Variants in IL1RAPL2 observed in about 807,000 individuals in gnomAD.
The protein encoded by IL1RAPL2 is X-linked interleukin-1 receptor accessory protein-like 2.
IL1RAPL2 carries 3 observed loss-of-function variants against 44.1 expected under a neutral mutation model. That is an observed-to-expected ratio of 0.07 (90% CI 0.03 to 0.18). IL1RAPL2 has a LOEUF of 0.18. IL1RAPL2 is among the 10% of genes least tolerant of loss of function. IL1RAPL2 has a pLI of 1.00. For synonymous variants in IL1RAPL2, 181 were observed against 178.8 expected, an observed-to-expected ratio of 1.01 and a Z score of -0.10; for missense variants, 391 against 496.4, an observed-to-expected ratio of 0.79 and a Z score of 2.02.
chrX:105,300,224 A>G (rs918297102), intron 5 of IL1RAPL2, among the ~76,000 whole-genome samples: 2 of 111,818 alleles, frequency 1.8e-5, no homozygotes, highest in African/African-American at 6.5e-5. Flanking sequence ...TAGATAATGT[A>G]TAAAAAAAGT....
At chrX:104,646,972 TC>T (rs1930053109) in intron 1 of IL1RAPL2, among the ~76,000 whole-genome samples, 1 of 112,008 alleles carries the variant, frequency 8.9e-6, no homozygotes, top group Non-Finnish European at 1.9e-5. Context: ...AAATTACCCT[TC>T]AACCTTAGAC....
At chrX:104,951,239 C>T (rs1318802642) in intron 2 of IL1RAPL2, among the ~76,000 whole-genome samples, 1 of 112,335 alleles carries the variant, frequency 8.9e-6, no homozygotes, top group African/African-American at 3.2e-5. Context: ...TTACAATAAA[C>T]AGTTATATAA....
intron 6 of IL1RAPL2, among the ~76,000 whole-genome samples, chrX:105,570,166 G>T (rs1054087725): frequency 9.0e-6 from 1 of 110,899 alleles, no homozygotes; most frequent in African/African-American, 3.3e-5. Context: ...ACATTCTTAT[G>T]CCTTTGCATC....
At chrX:104,779,571 A>G (rs1185989899) in intron 2 of IL1RAPL2, among the ~76,000 whole-genome samples, 1 of 112,191 alleles carries the variant, frequency 8.9e-6, no homozygotes, top group Non-Finnish European at 1.9e-5. Flanking sequence ...AGAATAATGA[A>G]GCCTGACATA....
At chrX:105,390,996 C>G (rs1358767126) in intron 5 of IL1RAPL2, among the ~76,000 whole-genome samples, 2 of 111,840 alleles carry the variant, frequency 1.8e-5, no homozygotes, top group Middle Eastern at 4.6e-3. Flanking sequence ...GCATGCAAAA[C>G]ACTTTTACAG....
chrX:105,343,810 G>A (rs1299705544), intron 5 of IL1RAPL2, among the ~76,000 whole-genome samples: 1 of 111,384 alleles, frequency 9.0e-6, no homozygotes, highest in Non-Finnish European at 1.9e-5. Context: ...TCTGCTGCTG[G>A]GTCTACAAAT....
At chrX:104,688,974 T>C (rs1931040173) in intron 2 of IL1RAPL2, among the ~76,000 whole-genome samples, 1 of 111,474 alleles carries the variant, frequency 9.0e-6, no homozygotes, top group Non-Finnish European at 1.9e-5. Flanking sequence ...TGGGAAGCAA[T>C]CCTTAGGCCA....
chrX:105,179,938 A>G (rs1307373931), intron 2 of IL1RAPL2, among the ~76,000 whole-genome samples: 2 of 110,370 alleles, frequency 1.8e-5, no homozygotes, highest in Non-Finnish European at 3.8e-5. Context: ...GCAAAAAGGG[A>G]CAGTTTTACT....
At chrX:105,094,646 A>G (rs903939893) in intron 2 of IL1RAPL2, among the ~76,000 whole-genome samples, 2 of 110,949 alleles carry the variant, frequency 1.8e-5, no homozygotes, top group African/African-American at 6.5e-5. Flanking sequence ...TCTTTTTTTC[A>G]GATTGTTTTG....
At chrX:104,980,193 CAAAG>C (rs772734210) in intron 2 of IL1RAPL2, among the ~76,000 whole-genome samples, 148 of 110,429 alleles carry the variant, frequency 1.3e-3, no homozygotes, top group African/African-American at 4.4e-3. Flanking sequence ...ACAAGAGACA[CAAAG>C]AAAAAAATTA....
At chrX:104,948,131 A>C (rs1428421778) in intron 2 of IL1RAPL2, among the ~76,000 whole-genome samples, 3 of 107,054 alleles carry the variant, frequency 2.8e-5, no homozygotes, top group African/African-American at 6.8e-5. Flanking sequence ...GAGGTCCTTC[A>C]CATCCCTTGT....
At chrX:105,491,394 T>C (rs2147778865) in intron 6 of IL1RAPL2, among the ~76,000 whole-genome samples, 1 of 111,680 alleles carries the variant, frequency 9.0e-6, no homozygotes, top group South Asian at 3.7e-4. Context: ...GTATATGCAT[T>C]GTGTGTATAA....
intron 5 of IL1RAPL2, among the ~76,000 whole-genome samples, chrX:105,358,350 A>C (rs1416676800): frequency 1.2e-5 from 1 of 85,661 alleles, no homozygotes; most frequent in Admixed American, 1.5e-4. Flanking sequence ...GCATTGTTAA[A>C]AAGTTCAGTC....
intron 6 of IL1RAPL2, among the ~76,000 whole-genome samples, chrX:105,703,205 G>A (rs768498575): frequency 1.8e-5 from 2 of 111,074 alleles, no homozygotes; most frequent in African/African-American, 3.3e-5. Context: ...AAGAATGCCT[G>A]GTCTATACCA....
chrX:105,510,150 G>T (rs1226445515), intron 6 of IL1RAPL2, among the ~76,000 whole-genome samples: 2 of 111,312 alleles, frequency 1.8e-5, no homozygotes, highest in Non-Finnish European at 3.8e-5. Flanking sequence ...TCTAGCCTGG[G>T]TGACAGAATG....
intron 2 of IL1RAPL2, among the ~76,000 whole-genome samples, chrX:104,764,276 T>A (rs912373750): frequency 1.3e-4 from 14 of 111,357 alleles, no homozygotes; most frequent in African/African-American, 4.2e-4. Context: ...GATTTTTTAC[T>A]TCTTTGGTTA....
At chrX:104,837,603 G>A (rs748757899) in intron 2 of IL1RAPL2, among the ~76,000 whole-genome samples, 89 of 111,807 alleles carry the variant, frequency 8.0e-4, no homozygotes, top group Non-Finnish European at 1.5e-3. Flanking sequence ...ACTTGTTTAA[G>A]TTTCTTATAG....
chrX:104,981,704 G>A (rs1332363088), intron 2 of IL1RAPL2, among the ~76,000 whole-genome samples: 3 of 110,976 alleles, frequency 2.7e-5, no homozygotes, highest in African/African-American at 9.8e-5. Context: ...TAGGATGTTG[G>A]CTGTGGATTT....
chrX:104,622,512 A>G (rs1267356542), intron 1 of IL1RAPL2, among the ~76,000 whole-genome samples: 2 of 108,725 alleles, frequency 1.8e-5, no homozygotes, highest in African/African-American at 6.7e-5. Context: ...TTTTTTTTTT[A>G]ATATGTAGAG....
Sources: gnomAD v4.1 joint callset for allele counts (sites outside exome capture counted in the v4.1 genomes callset) on GRCh38, gnomAD v4.1.1 for gene constraint, MANE v1.5 for transcripts, NCBI Gene and HGNC (gene_info 2026-07-23, HGNC 2026-07-21) for gene names.